GRID2: variants seen among roughly 807,000 people sequenced by gnomAD.
The protein encoded by GRID2 is glutamate receptor ionotropic, delta-2.
GRID2 carries 33 observed loss-of-function variants against 114.8 expected under a neutral mutation model. That is an observed-to-expected ratio of 0.29 (90% confidence interval 0.22 to 0.38). GRID2 has a LOEUF of 0.38. Among genes scored for constraint, GRID2 ranks in the 10% least tolerant of loss-of-function variants. GRID2 has a pLI of 1.00. For missense variants in GRID2, 1,184 were observed against 1,257.7 expected, an observed-to-expected ratio of 0.94 and a Z score of 0.89; for synonymous variants, 505 against 449.9, an observed-to-expected ratio of 1.12 and a Z score of -1.55.
chr4:93,660,674 G>A (rs1023377752), intron 14 of GRID2, among the ~76,000 whole-genome samples: 2 of 152,116 alleles, frequency 1.3e-5, no homozygotes, highest in African/African-American at 2.4e-5. Flanking sequence ...GATCTTATAT[G>A]ACTTGCAATC....
At chr4:92,662,487 T>C (rs1482170189) in intron 2 of GRID2, among the ~76,000 whole-genome samples, 1 of 151,058 alleles carries the variant, frequency 6.6e-6, no homozygotes, top group Non-Finnish European at 1.5e-5. Flanking sequence ...AATGGATATA[T>C]GATGAATCAT....
intron 2 of GRID2, among the ~76,000 whole-genome samples, chr4:92,913,007 T>A (rs1182936929): frequency 1.3e-5 from 2 of 151,852 alleles, no homozygotes; most frequent in Middle Eastern, 3.2e-3. Context: ...AAGTAGAGTA[T>A]TGATCCTAAT....
At chr4:92,612,082 G>A (rs1729778544) in intron 2 of GRID2, among the ~76,000 whole-genome samples, 1 of 150,948 alleles carries the variant, frequency 6.6e-6, no homozygotes. Flanking sequence ...TTTTTTTCAT[G>A]TCTTCTAGAA....
chr4:92,348,314 A>G (rs1242013372), intron 1 of GRID2, among the ~76,000 whole-genome samples: 1 of 152,162 alleles, frequency 6.6e-6, no homozygotes, highest in Non-Finnish European at 1.5e-5. Flanking sequence ...TTTCAACCTT[A>G]TAGATTTTAT....
At chr4:92,847,144 C>T (rs1743384718) in intron 2 of GRID2, among the ~76,000 whole-genome samples, 1 of 152,070 alleles carries the variant, frequency 6.6e-6, no homozygotes, top group Admixed American at 6.6e-5. Context: ...TTCTGCTTGG[C>T]TGACAGCTGA....
intron 1 of GRID2, among the ~76,000 whole-genome samples, chr4:92,523,340 T>C (rs1724880743): frequency 6.6e-6 from 1 of 151,992 alleles, no homozygotes. Flanking sequence ...AGGCAACCAG[T>C]AGACAGTTGT....
intron 14 of GRID2, among the ~76,000 whole-genome samples, chr4:93,680,907 A>G (rs1159937569): frequency 6.6e-6 from 1 of 151,592 alleles, no homozygotes; most frequent in Non-Finnish European, 1.5e-5. Flanking sequence ...CCTATTCAAC[A>G]TAGTGTTGGA....
At chr4:93,404,165 G>A (rs1417770250) in intron 9 of GRID2, among the ~76,000 whole-genome samples, 3 of 152,224 alleles carry the variant, frequency 2.0e-5, no homozygotes, top group African/African-American at 7.2e-5. Context: ...GAAATGTTCA[G>A]AATAGACAAA....
chr4:92,751,240 A>T (rs1362782234), intron 2 of GRID2, among the ~76,000 whole-genome samples: 1 of 152,188 alleles, frequency 6.6e-6, no homozygotes, highest in Non-Finnish European at 1.5e-5. Context: ...CTTTAAGAAA[A>T]TGCAAAAAGA....
chr4:93,546,809 T>A (rs576175264), intron 13 of GRID2, among the ~76,000 whole-genome samples: 38 of 152,332 alleles, frequency 2.5e-4, no homozygotes, highest in African/African-American at 8.2e-4. Flanking sequence ...AATTTTTTTT[T>A]ATATTCTTTA....
intron 7 of GRID2, among the ~76,000 whole-genome samples, chr4:93,230,051 G>C (rs1296738421): frequency 1.3e-5 from 2 of 151,800 alleles, no homozygotes; most frequent in East Asian, 3.9e-4. Context: ...TATCCATATA[G>C]TTAGCTTTTT....
chr4:92,603,938 AG>A (rs1729339369), intron 2 of GRID2, among the ~76,000 whole-genome samples: 1 of 152,154 alleles, frequency 6.6e-6, no homozygotes, highest in Non-Finnish European at 1.5e-5. Flanking sequence ...CATGAAAAAA[AG>A]CTCAACATCA....
At position 92,789,785 on chromosome 4, in the gene GRID2, G is replaced by C. The variant is rs946704666; in HGVS notation, c.244+199499G>C. On this transcript the variant is annotated intron_variant, in intron 2 of 15. Coordinates refer to ENST00000282020, the MANE Select transcript of GRID2 (RefSeq NM_001510.4). ...TTTAGTTGTTGGTATTTCTCTGCTG[G>C]TTATCACACACGTCCACTGATTTCT... is the stretch of plus-strand genomic sequence containing the variant. Among the ~76,000 whole-genome samples, 57 of 151,714 alleles carry C rather than the reference G, an allele frequency of 3.8e-4. 1 individual carries two copies. The highest frequency in any genetic ancestry group is 1.4e-3 in the African/African-American group (56 of 41,310).
At chr4:92,892,147 T>C (rs1746835704) in intron 2 of GRID2, among the ~76,000 whole-genome samples, 1 of 152,028 alleles carries the variant, frequency 6.6e-6, no homozygotes, top group Non-Finnish European at 1.5e-5. Context: ...CACTGCAACC[T>C]CCGCCTCCAG....
chr4:92,811,035 G>A (rs555212252), intron 2 of GRID2, among the ~76,000 whole-genome samples: 2 of 151,928 alleles, frequency 1.3e-5, no homozygotes, highest in Non-Finnish European at 2.9e-5. Flanking sequence ...CACCTGCCTC[G>A]GCCTTCCAAA....
At chr4:92,944,084 TG>T (rs1751403621) in intron 2 of GRID2, among the ~76,000 whole-genome samples, 1 of 152,172 alleles carries the variant, frequency 6.6e-6, no homozygotes, top group Non-Finnish European at 1.5e-5. Context: ...AACTGCATGC[TG>T]GGAACCACTA....
At chr4:92,952,900 C>T (rs1019049346) in intron 2 of GRID2, among the ~76,000 whole-genome samples, 7 of 152,166 alleles carry the variant, frequency 4.6e-5, no homozygotes, top group Admixed American at 2.0e-4. Context: ...TGAAAAATCA[C>T]GGAGTCAGCA....
Position 93,789,895 on chromosome 4 carries a change from T to TG in GRID2, c.222-16815dup, listed in dbSNP as rs528833622. On this transcript the variant is annotated intron_variant, in intron 1 of 1. Transcript: ENST00000637838. ...ACTGGGCTGCACAGCAAGAAGTGAA[T>TG]GGGGGTAAGTGAGCACTGCCTGAGC... 2.0e-3 allele frequency among the ~76,000 whole-genome samples: 302 copies of TG among 152,218 alleles called. 2 individuals are homozygous for TG. Among genetic ancestry groups the TG allele is most frequent in the African/African-American group, 6.4e-3 (267 of 41,542 alleles).
At chr4:93,734,585 T>A (rs1730767565) in intron 14 of GRID2, among the ~76,000 whole-genome samples, 1 of 152,032 alleles carries the variant, frequency 6.6e-6, no homozygotes, top group African/African-American at 2.4e-5. Context: ...GATGTTTCCC[T>A]TTTGAACTAG....
Sources: allele counts gnomAD v4.1 joint callset (sites outside exome capture counted in the v4.1 genomes callset), GRCh38; gene constraint gnomAD v4.1.1; transcripts MANE v1.5; gene names NCBI Gene and HGNC (gene_info 2026-07-23, HGNC 2026-07-21).